DLGAP1: variants seen among roughly 807,000 people sequenced by gnomAD.
The protein encoded by DLGAP1 is DLG associated protein 1.
A neutral mutation model predicts 90.8 loss-of-function variants in DLGAP1; 11 were observed. That is an observed-to-expected ratio of 0.12 (90% CI 0.08 to 0.20). The LOEUF (loss-of-function observed/expected upper bound fraction) is 0.20. Ranked by LOEUF, DLGAP1 falls within the 10% of genes least tolerant of loss-of-function variation. The pLI, the probability that DLGAP1 is intolerant of heterozygous loss-of-function variation, is 1.00. For missense variants in DLGAP1, 1,050 were observed against 1,333.8 expected (o/e 0.79, Z 3.31); for synonymous variants, 558 against 540.7 (o/e 1.03, Z -0.44).
At chr18:3,734,446 T>G (rs979027265) in intron 6 of DLGAP1, among the ~76,000 whole-genome samples, 44 of 151,230 alleles carry the variant, frequency 2.9e-4, no homozygotes, top group Non-Finnish European at 4.6e-4. Context: ...AAAATTTTCC[T>G]TCCTTTCTAG....
intron 3 of DLGAP1, among the ~76,000 whole-genome samples, chr18:3,966,258 G>A (rs891250753): frequency 3.3e-5 from 5 of 152,044 alleles, no homozygotes; most frequent in Admixed American, 1.3e-4. Context: ...GAGTTTCACA[G>A]GGCTTGGTGG....
intron 1 of DLGAP1, among the ~76,000 whole-genome samples, chr18:4,393,199 TA>T (rs573759831): frequency 1.3e-3 from 202 of 152,284 alleles, no homozygotes; most frequent in African/African-American, 4.6e-3. Flanking sequence ...ATAAATAAAA[TA>T]AAACACTTAA....
chr18:3,937,277 T>G (rs2072663640), intron 3 of DLGAP1, among the ~76,000 whole-genome samples: 1 of 152,148 alleles, frequency 6.6e-6, no homozygotes, highest in South Asian at 2.1e-4. Flanking sequence ...AAAGGAGAGA[T>G]GTTTAATTGA....
At chr18:4,357,639 C>G (rs1464797518) in intron 1 of DLGAP1, among the ~76,000 whole-genome samples, 1 of 152,160 alleles carries the variant, frequency 6.6e-6, no homozygotes, top group Admixed American at 6.5e-5. Flanking sequence ...GAGTAGCCTA[C>G]CTCCTGAGAA....
At chr18:4,437,716 T>G (rs2083435504) in intron 1 of DLGAP1, among the ~76,000 whole-genome samples, 1 of 152,202 alleles carries the variant, frequency 6.6e-6, no homozygotes, top group Non-Finnish European at 1.5e-5. Context: ...CTAATCTTTC[T>G]CTTGTATAAT....
chr18:3,551,330 A>G (rs1037178515), intron 9 of DLGAP1, among the ~76,000 whole-genome samples: 1 of 151,424 alleles, frequency 6.6e-6, no homozygotes, highest in Non-Finnish European at 1.5e-5. Context: ...CCTCACTGCA[A>G]CCTCCACCTC....
chr18:3,819,964 T>A (rs1382231523), intron 4 of DLGAP1, among the ~76,000 whole-genome samples: 1 of 152,190 alleles, frequency 6.6e-6, no homozygotes, highest in African/African-American at 2.4e-5. Flanking sequence ...CTATCAGATG[T>A]AGGAACGCTT....
At chr18:3,525,736 G>A (rs990320860) in intron 10 of DLGAP1, among the ~76,000 whole-genome samples, 2 of 152,196 alleles carry the variant, frequency 1.3e-5, no homozygotes, top group Non-Finnish European at 2.9e-5. Flanking sequence ...ACAGTTATTG[G>A]AGAAAATGAT....
chr18:3,814,330 C>CT, intron 4 of DLGAP1, 57 bp from the exon 5 acceptor site: 1 of 1,241,960 alleles, frequency 8.1e-7, no homozygotes, highest in South Asian at 1.6e-5. Flanking sequence ...TTTTTCTTTT[C>CT]TTTTTCTTTT....
chr18:3,636,131 A>C (rs900194173), intron 7 of DLGAP1, among the ~76,000 whole-genome samples: 1 of 150,540 alleles, frequency 6.6e-6, no homozygotes, highest in African/African-American at 2.5e-5. Context: ...GACACATGCA[A>C]CCCTTCTGCT....
intron 1 of DLGAP1, among the ~76,000 whole-genome samples, chr18:4,363,285 A>G (rs932113916): frequency 6.6e-6 from 1 of 152,196 alleles, no homozygotes; most frequent in Non-Finnish European, 1.5e-5. Flanking sequence ...GCTCGCACAT[A>G]CACAGGGGAG....
intron 1 of DLGAP1, among the ~76,000 whole-genome samples, chr18:4,271,684 G>A (rs1568483747): frequency 6.6e-6 from 1 of 152,262 alleles, no homozygotes; most frequent in East Asian, 1.9e-4. Flanking sequence ...AATGGTATCA[G>A]AGTTGTGAAA....
intron 1 of DLGAP1, among the ~76,000 whole-genome samples, chr18:4,407,849 A>G (rs2082695011): frequency 6.7e-6 from 1 of 148,672 alleles, no homozygotes; most frequent in South Asian, 2.2e-4. Context: ...CGCCAGAGTG[A>G]GACTCAGTCT....
At chr18:3,928,422 A>G (rs1378202211) in intron 3 of DLGAP1, among the ~76,000 whole-genome samples, 1 of 152,220 alleles carries the variant, frequency 6.6e-6, no homozygotes, top group Non-Finnish European at 1.5e-5. Flanking sequence ...AGATGCAAGA[A>G]AGGGGATTGG....
chr18:4,334,460 T>C (rs2143770756), intron 1 of DLGAP1, among the ~76,000 whole-genome samples: 1 of 152,032 alleles, frequency 6.6e-6, no homozygotes, highest in East Asian at 1.9e-4. Flanking sequence ...GCAGAAGTTA[T>C]CTCTGTATTG....
chr18:3,547,099 A>T (rs1398399571), intron 9 of DLGAP1, among the ~76,000 whole-genome samples: 3 of 152,072 alleles, frequency 2.0e-5, no homozygotes, highest in Non-Finnish European at 4.4e-5. Context: ...CAGGAGATCG[A>T]GACCATCCTG....
At chr18:4,092,972 T>C (rs2075793054) in intron 2 of DLGAP1, among the ~76,000 whole-genome samples, 1 of 152,228 alleles carries the variant, frequency 6.6e-6, no homozygotes, top group African/African-American at 2.4e-5. Context: ...CCTCCAGTGC[T>C]CACAACCCAC....
At chr18:3,741,218 C>A (rs1236589405) in intron 6 of DLGAP1, among the ~76,000 whole-genome samples, 1 of 112,252 alleles carries the variant, frequency 8.9e-6, no homozygotes, top group Non-Finnish European at 1.8e-5. Context: ...CCACCACCAC[C>A]ACATCACCAT....
At chr18:4,326,447 A>C (rs918740035) in intron 1 of DLGAP1, among the ~76,000 whole-genome samples, 1 of 152,118 alleles carries the variant, frequency 6.6e-6, no homozygotes, top group Non-Finnish European at 1.5e-5. Context: ...TCCTGAAAGA[A>C]CTGAACACAG....
Sources: allele counts gnomAD v4.1 joint callset (sites outside exome capture counted in the v4.1 genomes callset), GRCh38; gene constraint gnomAD v4.1.1; transcripts MANE v1.5; gene names NCBI Gene and HGNC (gene_info 2026-07-23, HGNC 2026-07-21).